The following PLCB1 variants were observed in gnomAD, a reference collection of about 807,000 sequenced individuals.
The protein encoded by PLCB1 is phospholipase C beta 1.
In PLCB1, 46 loss-of-function variants were observed where a neutral mutation model predicts 161.8. The ratio of observed to expected loss-of-function variants is 0.28; its 90% confidence interval spans 0.22 to 0.36. The LOEUF (loss-of-function observed/expected upper bound fraction) is 0.36, where lower values mean the gene tolerates loss of function less well. PLCB1 is among the 10% of genes least tolerant of loss of function. PLCB1 has a pLI of 1.00. For missense variants in PLCB1, 1,016 were observed against 1,472.5 expected (o/e 0.69, Z 5.07); for synonymous variants, 517 against 503.7 (o/e 1.03, Z -0.35).
intron 31 of PLCB1, among the ~76,000 whole-genome samples, chr20:8,864,151 T>C (rs1323132416): frequency 6.6e-6 from 1 of 152,206 alleles, no homozygotes; most frequent in Non-Finnish European, 1.5e-5. Flanking sequence ...TTTGAAGTGC[T>C]GCAAAGAGAA....
intron 2 of PLCB1, among the ~76,000 whole-genome samples, chr20:8,151,783 G>A (rs1301593130): frequency 2.0e-5 from 3 of 152,194 alleles, no homozygotes; most frequent in South Asian, 4.1e-4. Flanking sequence ...GTATTTGTAC[G>A]AGAGACCAAA....
intron 25 of PLCB1, among the ~76,000 whole-genome samples, chr20:8,760,782 A>G (rs1002667231): frequency 2.6e-5 from 4 of 152,236 alleles, no homozygotes; most frequent in Non-Finnish European, 4.4e-5. Flanking sequence ...CAAATTGCCA[A>G]TAATAAACTA....
chr20:8,822,350 G>A (rs6039289), intron 31 of PLCB1, among the ~76,000 whole-genome samples: 4,023 of 152,250 alleles, frequency 0.026, 168 homozygotes, highest in African/African-American at 0.092. Flanking sequence ...GCACTGCGCT[G>A]CATACTAAGA....
rs73894602 is a variant in PLCB1 at position 8,544,669 on chromosome 20, A to C, written c.247-83625A>C. ...CAGTGACGCCAAGAAGTTGGAAAGG[A>C]CACCAATTATTAGATGTTTCTGACA... On this transcript the variant is annotated intron_variant, in intron 3 of 31. Transcript: ENST00000338037. 3.3e-3 allele frequency among the ~76,000 whole-genome samples: 501 copies of C among 152,322 alleles called. 3 individuals carry two copies. The highest frequency in any genetic ancestry group is 9.9e-3 in the African/African-American group (412 of 41,580).
intron 7 of PLCB1, chr20:8,651,593 CA>C (rs1989323719): frequency 1.4e-6 from 1 of 690,880 alleles, no homozygotes; most frequent in African/African-American, 1.8e-5. Flanking sequence ...CCGACTTCAA[CA>C]AATATTTCTT....
intron 3 of PLCB1, among the ~76,000 whole-genome samples, chr20:8,545,648 G>A (rs1213738953): frequency 6.6e-6 from 1 of 152,200 alleles, no homozygotes; most frequent in Non-Finnish European, 1.5e-5. Context: ...AAAACCATCT[G>A]GATGTGGGAG....
At chr20:8,214,385 C>T (rs979570129) in intron 2 of PLCB1, among the ~76,000 whole-genome samples, 2 of 152,050 alleles carry the variant, frequency 1.3e-5, no homozygotes, top group South Asian at 2.1e-4. Context: ...AAAAGTGTGG[C>T]GCCTGGCTCT....
chr20:8,424,973 C>T (rs73090273), intron 3 of PLCB1, among the ~76,000 whole-genome samples: 1,865 of 152,180 alleles, frequency 0.012, 15 homozygotes, highest in Non-Finnish European at 0.02. Flanking sequence ...TTGGCCACTT[C>T]GTGCTCACCT....
At chr20:8,847,113 A>G (rs1053505765) in intron 31 of PLCB1, among the ~76,000 whole-genome samples, 5 of 152,204 alleles carry the variant, frequency 3.3e-5, no homozygotes, top group African/African-American at 1.2e-4. Context: ...AGTGATTCTA[A>G]TATGAAGCCA....
At chr20:8,194,562 T>G (rs1455588618) in intron 2 of PLCB1, among the ~76,000 whole-genome samples, 1 of 152,186 alleles carries the variant, frequency 6.6e-6, no homozygotes, top group Non-Finnish European at 1.5e-5. Context: ...CATGTCTCTT[T>G]TATTACCACA....
At chr20:8,152,539 G>A (rs557279737) in intron 2 of PLCB1, among the ~76,000 whole-genome samples, 43 of 152,172 alleles carry the variant, frequency 2.8e-4, no homozygotes, top group African/African-American at 1.0e-3. Flanking sequence ...GTACATTCAT[G>A]ATGCTACTTA....
intron 31 of PLCB1, among the ~76,000 whole-genome samples, chr20:8,859,576 T>G (rs78699205): frequency 2.4e-4 from 36 of 148,662 alleles, no homozygotes; most frequent in Non-Finnish European, 4.5e-4. Flanking sequence ...AACCTTTTGG[T>G]TTTTTTTTTA....
At chr20:8,496,329 C>CAAAAAAA (rs71331309) in intron 3 of PLCB1, among the ~76,000 whole-genome samples, 2 of 91,976 alleles carry the variant, frequency 2.2e-5, no homozygotes, top group African/African-American at 3.7e-5. Context: ...CCCATCTCTG[C>CAAAAAAA]AAAAAAAAAA....
At chr20:8,281,517 A>G (rs2719781) in intron 2 of PLCB1, among the ~76,000 whole-genome samples, 14,021 of 152,086 alleles carry the variant, frequency 0.092, 718 homozygotes, top group East Asian at 0.19. Context: ...ATTTTTACCA[A>G]TAAATCTTTA....
At chr20:8,726,767 C>T (rs548019542) in intron 16 of PLCB1, among the ~76,000 whole-genome samples, 1 of 152,108 alleles carries the variant, frequency 6.6e-6, no homozygotes, top group Admixed American at 6.6e-5. Context: ...GAAAATGAAG[C>T]CATGAGACTG....
At chr20:8,257,076 T>A (rs1258166924) in intron 2 of PLCB1, among the ~76,000 whole-genome samples, 2 of 152,174 alleles carry the variant, frequency 1.3e-5, no homozygotes, top group Non-Finnish European at 2.9e-5. Context: ...GTTTTACATG[T>A]GTTCTGTCTC....
chr20:8,169,806 T>A (rs752642331), intron 2 of PLCB1, among the ~76,000 whole-genome samples: 1 of 152,160 alleles, frequency 6.6e-6, no homozygotes, highest in African/African-American at 2.4e-5. Flanking sequence ...TTCTGGCCTA[T>A]TGAATCTTAG....
chr20:8,620,929 G>A (rs1418453724), intron 3 of PLCB1, among the ~76,000 whole-genome samples: 1 of 151,946 alleles, frequency 6.6e-6, no homozygotes, highest in African/African-American at 2.4e-5. Context: ...TTTAAATTAT[G>A]CTCTGAGGTT....
At chr20:8,542,739 C>G (rs1287131511) in intron 3 of PLCB1, among the ~76,000 whole-genome samples, 2 of 152,106 alleles carry the variant, frequency 1.3e-5, no homozygotes, top group Non-Finnish European at 2.9e-5. Flanking sequence ...TATTTCAAGC[C>G]AGAAAGGACC....
Sources: allele counts gnomAD v4.1 joint callset (sites outside exome capture counted in the v4.1 genomes callset), GRCh38; gene constraint gnomAD v4.1.1; transcripts MANE v1.5; gene names NCBI Gene and HGNC (gene_info 2026-07-23, HGNC 2026-07-21).